Variants in MILR1 observed in about 807,000 individuals in gnomAD.
MILR1 encodes mast cell immunoglobulin like receptor 1, also known as allergin-1.
MILR1 carries 31 observed loss-of-function variants against 18.5 expected under a neutral mutation model. That is an observed-to-expected ratio of 1.68 (90% confidence interval 1.26 to 2.26). The LOEUF is 2.26. Ranked by LOEUF, MILR1 falls within the 30% of genes most tolerant of loss-of-function variation. The probability of loss-of-function intolerance (pLI) is 0.00; values close to 1 mark genes in which losing one functional copy is unlikely to be tolerated. For synonymous variants in MILR1, 85 were observed against 56.2 expected, an observed-to-expected ratio of 1.51 and a Z score of -2.30; for missense variants, 257 against 157.4, an observed-to-expected ratio of 1.63 and a Z score of -3.38.
chr17:64,468,651 C>T, downstream of MILR1: 3 of 1,120,790 alleles, frequency 2.7e-6, no homozygotes, highest in Non-Finnish European at 3.3e-6. Context: ...GCATCCTTCT[C>T]TGAGCCTTCT....
the MILR1 span, chr17:64,497,053 G>A: frequency 2.7e-5 from 38 of 1,382,174 alleles, no homozygotes; most frequent in African/African-American, 3.6e-4. Flanking sequence ...ATCCGGAGAG[G>A]CCACGGCGCA....
chr17:64,466,720 T>G, intron 8 of MILR1, 58 bp downstream of exon 8: 2 of 1,414,026 alleles, frequency 1.4e-6, no homozygotes, highest in Non-Finnish European at 2.0e-6. Context: ...GTCCCTCTGA[T>G]GTCATTATAT....
chr17:64,493,433 AG>A, the MILR1 span, among the ~76,000 whole-genome samples: 1 of 152,028 alleles, frequency 6.6e-6, no homozygotes, highest in Admixed American at 6.6e-5. Context: ...AAACAAAAAA[AG>A]ACAGATCACC....
rs782403102 is a variant in MILR1 at position 64,467,553 on chromosome 17, T to G, written c.980-12T>G. 3.4e-6 allele frequency: 5 copies of G among 1,478,114 alleles called. No individual in the cohort carries two copies. Among genetic ancestry groups the G allele is most frequent in the Non-Finnish European group, 4.6e-6 (5 of 1,080,704 alleles). The allele number at this position is 1,478,114 out of a possible 1,614,324, so 91.6% of individuals were successfully genotyped here. ...ATATCCTAAGTAAATTATTTTCCCT[T>G]TTATATTTCAGAAGCCTGTGATTCT... On this transcript the variant is annotated splice_polypyrimidine_tract_variant and intron_variant, in intron 8 of 9. Transcript: ENST00000619286.
intron 5 of MILR1, among the ~76,000 whole-genome samples, chr17:64,462,958 A>G (rs1272177809): frequency 3.3e-5 from 5 of 152,006 alleles, no homozygotes; most frequent in Non-Finnish European, 7.4e-5. Context: ...TAATATATAC[A>G]TATTTTTTAT....
chr17:64,461,675 G>A (rs967941425), intron 5 of MILR1, among the ~76,000 whole-genome samples: 41 of 152,180 alleles, frequency 2.7e-4, no homozygotes, highest in South Asian at 6.2e-4. Flanking sequence ...CATTAAGCAC[G>A]TTCCCATTGT....
the MILR1 span, among the ~76,000 whole-genome samples, chr17:64,495,360 G>A: frequency 9.2e-5 from 14 of 152,206 alleles, no homozygotes; most frequent in Non-Finnish European, 2.1e-4. Flanking sequence ...TGGGCGGATT[G>A]CTTAAGCTCA....
downstream of MILR1, among the ~76,000 whole-genome samples, chr17:64,472,130 C>A (rs1243957394): frequency 6.6e-6 from 1 of 151,970 alleles, no homozygotes; most frequent in African/African-American, 2.4e-5. Context: ...TTAGATAAAT[C>A]ATTTAATTAG....
chr17:64,459,554 T>C (rs2037377786), intron 4 of MILR1, among the ~76,000 whole-genome samples: 1 of 152,188 alleles, frequency 6.6e-6, no homozygotes, highest in Non-Finnish European at 1.5e-5. Context: ...CACGCCCTGG[T>C]ATTCAGTGAG....
chr17:64,463,293 C>T (rs2037472647), intron 5 of MILR1, among the ~76,000 whole-genome samples: 1 of 152,046 alleles, frequency 6.6e-6, no homozygotes, highest in Non-Finnish European at 1.5e-5. Flanking sequence ...CAGGCATGAG[C>T]CACTGCACTC....
chr17:64,459,786 A>C (rs1271114167), intron 4 of MILR1, among the ~76,000 whole-genome samples: 5 of 152,136 alleles, frequency 3.3e-5, no homozygotes, highest in Non-Finnish European at 5.9e-5. Context: ...AACAACTGGC[A>C]GTTGTTTGGA....
intron 3 of MILR1, among the ~76,000 whole-genome samples, chr17:64,453,539 T>A (rs1488058442): frequency 1.5e-5 from 2 of 135,832 alleles, no homozygotes; most frequent in East Asian, 2.0e-4. Flanking sequence ...AAAATCGCTT[T>A]TTTTTTTTTT....
intron 3 of MILR1, among the ~76,000 whole-genome samples, chr17:64,454,762 G>A (rs2037252964): frequency 6.6e-6 from 1 of 152,196 alleles, no homozygotes; most frequent in Non-Finnish European, 1.5e-5. Flanking sequence ...GTGAGGCTGA[G>A]GCGGGAGGAT....
chr17:64,475,922 T>C, the MILR1 span, among the ~76,000 whole-genome samples: 1 of 147,976 alleles, frequency 6.8e-6, no homozygotes, highest in African/African-American at 2.5e-5. Flanking sequence ...CAAGCGATTC[T>C]CCTGCCTCAG....
the MILR1 span, among the ~76,000 whole-genome samples, chr17:64,487,755 A>T: frequency 1.3e-5 from 2 of 152,208 alleles, no homozygotes; most frequent in African/African-American, 4.8e-5. Context: ...TAATCCTAGC[A>T]CTTTGGGAGG....
the MILR1 span, chr17:64,497,033 C>G: frequency 6.0e-6 from 9 of 1,492,590 alleles, no homozygotes; most frequent in Admixed American, 1.7e-5. Flanking sequence ...CCACCACTAC[C>G]GTTAACAGAA....
At chr17:64,454,781 C>A (rs1206147672) in intron 3 of MILR1, among the ~76,000 whole-genome samples, 2 of 152,066 alleles carry the variant, frequency 1.3e-5, no homozygotes, top group Non-Finnish European at 2.9e-5. Flanking sequence ...ATCACCTGAG[C>A]CCAGGAGTTT....
At chr17:64,470,569 G>A (rs1555664402), downstream of MILR1, among the ~76,000 whole-genome samples, 1 of 152,064 alleles carries the variant, frequency 6.6e-6, no homozygotes, top group Non-Finnish European at 1.5e-5. Flanking sequence ...AGCGCTCGCG[G>A]GCATTGGGAG....
the MILR1 span, among the ~76,000 whole-genome samples, chr17:64,490,242 CTATT>C: frequency 6.6e-6 from 1 of 152,120 alleles, no homozygotes; most frequent in Non-Finnish European, 1.5e-5. Context: ...TAAATACAAA[CTATT>C]TATTAGCTTT....
Sources: allele counts gnomAD v4.1 joint callset (sites outside exome capture counted in the v4.1 genomes callset), GRCh38; gene constraint gnomAD v4.1.1; transcripts MANE v1.5; gene names NCBI Gene and HGNC (gene_info 2026-07-23, HGNC 2026-07-21).